Variants in TUBE1 observed in about 807,000 individuals in gnomAD.
TUBE1 encodes tubulin epsilon chain.
A neutral mutation model predicts 53.5 loss-of-function variants in TUBE1; 34 were observed. The ratio of observed to expected loss-of-function variants is 0.64; its 90% CI spans 0.48 to 0.85. The LOEUF is 0.85. Ranked by LOEUF, TUBE1 falls within the 40% of genes least tolerant of loss-of-function variation. The probability of loss-of-function intolerance (pLI) is 0.00; values close to 1 mark genes in which losing one functional copy is unlikely to be tolerated. For synonymous variants in TUBE1, 177 were observed against 198.4 expected, an observed-to-expected ratio of 0.89 and a Z score of 0.91; for missense variants, 532 against 570.5, an observed-to-expected ratio of 0.93 and a Z score of 0.69.
At chr6:112,072,445 AAGT>A (rs1776884827) in intron 10 of TUBE1, among the ~76,000 whole-genome samples, 2 of 152,080 alleles carry the variant, frequency 1.3e-5, no homozygotes, top group African/African-American at 4.8e-5. Context: ...CAAAAATCAG[AAGT>A]AGTAGTAGTA....
intron 3 of TUBE1, among the ~76,000 whole-genome samples, chr6:112,085,910 T>C (rs941635638): frequency 5.3e-5 from 8 of 152,214 alleles, no homozygotes; most frequent in Admixed American, 4.6e-4. Context: ...CGCGGACTAA[T>C]CAGCTTTCTC....
At chr6:112,086,518 A>AC in intron 3 of TUBE1, 38 bp downstream of exon 3, 1 of 1,515,608 alleles carries the variant, frequency 6.6e-7, no homozygotes, top group Non-Finnish European at 9.0e-7. Context: ...ACTGAAACTT[A>AC]AAGTATCACA....
At chr6:112,082,708 G>A (rs940911201) in intron 4 of TUBE1, among the ~76,000 whole-genome samples, 1 of 152,154 alleles carries the variant, frequency 6.6e-6, no homozygotes, top group Non-Finnish European at 1.5e-5. Context: ...TCTTCACTTA[G>A]GCATCCAAGG....
rs1554317601 is a variant in TUBE1 at position 112,087,463 on chromosome 6, G to A, written c.-29C>T. ...GGTGCGCCGCCGGCTCCGGGAGCTT[G>A]CTAGCCCGCGGCCGCTTCTGCATTC... On this transcript the variant is annotated 5_prime_UTR_variant, in exon 1 of 12. Coordinates refer to ENST00000368662, the MANE Select transcript of TUBE1 (RefSeq NM_016262.5). 1.3e-6 allele frequency: 2 copies of A among 1,548,684 alleles called. No individual in the cohort carries two copies. The highest frequency in any genetic ancestry group is 1.2e-5 in the South Asian group (1 of 83,968).
At chr6:112,074,309 G>A (rs1414290356) in intron 9 of TUBE1, among the ~76,000 whole-genome samples, 1 of 143,444 alleles carries the variant, frequency 7.0e-6, no homozygotes, top group Non-Finnish European at 1.5e-5. Flanking sequence ...TGTGACAGTA[G>A]CTTTAAAACA....
At chr6:112,072,507 G>T (rs1172580584) in intron 10 of TUBE1, among the ~76,000 whole-genome samples, 1 of 152,002 alleles carries the variant, frequency 6.6e-6, no homozygotes, top group Non-Finnish European at 1.5e-5. Context: ...GTATAGCTAC[G>T]ATTTTCTGAA....
chr6:112,073,331 T>C (rs2114478789), intron 9 of TUBE1, among the ~76,000 whole-genome samples: 1 of 152,300 alleles, frequency 6.6e-6, no homozygotes, highest in East Asian at 1.9e-4. Context: ...TATTATATCA[T>C]AAATTTTGTT....
At chr6:112,086,703 G>C (rs1334845639) in intron 2 of TUBE1, 95 bp from the exon 3 acceptor site, 1 of 762,122 alleles carries the variant, frequency 1.3e-6, no homozygotes, top group Non-Finnish European at 2.1e-6. Context: ...GTAATGGCTA[G>C]GATGAGACTC....
At chr6:112,073,363 G>A (rs1372775932) in intron 9 of TUBE1, among the ~76,000 whole-genome samples, 1 of 152,086 alleles carries the variant, frequency 6.6e-6, no homozygotes, top group Non-Finnish European at 1.5e-5. Flanking sequence ...ATTATCAAAG[G>A]ACAATGTGAA....
At chr6:112,082,901 C>T (rs1554316917) in intron 4 of TUBE1, among the ~76,000 whole-genome samples, 2 of 152,100 alleles carry the variant, frequency 1.3e-5, no homozygotes, top group African/African-American at 4.8e-5. Context: ...ATCACAACCA[C>T]ATAATACCAA....
At position 112,071,704 on chromosome 6, in the gene TUBE1, T is replaced by C. The variant is rs1230746257; in HGVS notation, c.1270-134A>G. 1.4e-5 allele frequency: 14 copies of C among 968,876 alleles called. No homozygotes were observed. In the South Asian group the frequency reaches 2.7e-4, roughly 18 times the overall value. 60.0% of individuals were successfully genotyped at this position (968,876 alleles called of 1,614,324 possible). A position where few individuals can be genotyped will look rare whatever the true frequency, so the allele number is the denominator to read the frequency against. On this transcript the variant is annotated intron_variant, in intron 11 of 11. Coordinates refer to ENST00000368662, the MANE Select transcript of TUBE1 (RefSeq NM_016262.5). ...CATTTGAAAGAGAACTTGTGTCAAA[T>C]TGAATGAATCCTATAAACTCATGAA...
intron 4 of TUBE1, among the ~76,000 whole-genome samples, chr6:112,083,529 A>G (rs1777103706): frequency 6.6e-6 from 1 of 152,080 alleles, no homozygotes; most frequent in Admixed American, 6.6e-5. Context: ...CATGTTAGCC[A>G]GGATGGTCTT....
At chr6:112,085,799 C>T (rs1199114855) in intron 3 of TUBE1, 5 of 454,630 alleles carry the variant, frequency 1.1e-5, no homozygotes, top group African/African-American at 1.0e-4. Context: ...TTTGGTTAAC[C>T]TGGCTGTACT....
rs587764060 is a variant in TUBE1 at position 112,083,564 on chromosome 6, C to T, written c.210+625G>A. Among the ~76,000 whole-genome samples, 119 of 152,100 alleles carry T rather than the reference C, an allele frequency of 7.8e-4. 1 individual carries two copies. Among genetic ancestry groups the T allele is most frequent in the African/African-American group, 2.7e-3 (110 of 41,488 alleles). The stretch of plus-strand genomic sequence containing the variant: ...TGATCTCCTGACCTTGTGATCTGCC[C>T]GCTTCGGCCTCCCAAAGTGCTGGGA... On this transcript the variant is annotated intron_variant, in intron 4 of 11. Coordinates refer to ENST00000368662, the MANE Select transcript of TUBE1 (RefSeq NM_016262.5).
intron 6 of TUBE1, 35 bp from the exon 7 acceptor site, chr6:112,076,544 A>C: frequency 6.6e-7 from 1 of 1,521,576 alleles, no homozygotes; most frequent in Non-Finnish European, 8.9e-7. Context: ...ATTAGCATAA[A>C]TGATTCAGAA....
rs200119993 is a variant in TUBE1, at chr6:112,072,825, A to G, written c.1027T>C (p.Tyr343His). Reference protein sequence around the residue: ...LLRADPKHSLYLACALMVRGN... With the variant: ...LLRADPKHSLHLACALMVRGN... ...CTAACCATGAGTGCACAGGCGAGGT[A>G]AAGACTGTGTTTGGGGTCTGCCCGA... Residue 343 changes from tyrosine to histidine, a missense_variant, in exon 10 of 12, where the codon TAC (tyrosine) becomes CAC (histidine). Transcript: ENST00000368662. 1.9e-6 allele frequency: 3 copies of G among 1,613,712 alleles called. No individual in the cohort carries two copies. The highest frequency in any genetic ancestry group is 1.7e-5 in the Admixed American group (1 of 59,998).
rs782067010 is a variant in TUBE1 at position 112,081,177 on chromosome 6, C to T, written c.241G>A (p.Val81Met). The T allele has an allele frequency of 6.2e-7, 1 of 1,607,358 alleles. No homozygotes were observed. The highest frequency in any genetic ancestry group is 2.2e-5 in the East Asian group (1 of 44,754). ...AGTGGTCCCTGCAGAATTTCATTCACTACCCCTTCTTCCATATCAATCAAG... is the reference window on the plus strand; with the variant it reads ...AGTGGTCCCTGCAGAATTTCATTCATTACCCCTTCTTCCATATCAATCAAG... ...AVLIDMEEGV[V>M]NEILQGPLRD... Residue 81 changes from valine (V) to methionine (M), a missense_variant, in exon 5 of 12, where the codon GTG becomes ATG. Transcript: ENST00000368662.
intron 4 of TUBE1, 35 bp from the exon 5 acceptor site, chr6:112,081,242 T>C: frequency 8.1e-7 from 1 of 1,231,076 alleles, no homozygotes; most frequent in Non-Finnish European, 1.2e-6. Flanking sequence ...TTAATGTATT[T>C]TCTTTTAGAG....
At chr6:112,072,709 A>G (rs1554315519) in intron 10 of TUBE1, 49 bp downstream of exon 10, 2 of 1,590,846 alleles carry the variant, frequency 1.3e-6, no homozygotes, top group African/African-American at 2.7e-5. Flanking sequence ...ACTATGCCAC[A>G]CTGTCCCAAG....
Sources: allele counts gnomAD v4.1 joint callset (sites outside exome capture counted in the v4.1 genomes callset), GRCh38; gene constraint gnomAD v4.1.1; transcripts MANE v1.5; gene names NCBI Gene and HGNC (gene_info 2026-07-23, HGNC 2026-07-21).